Variants in SDK1 observed in about 807,000 individuals in gnomAD.
SDK1 encodes sidekick cell adhesion molecule 1.
A neutral mutation model predicts 245.5 loss-of-function variants in SDK1; 157 were observed. The observed-to-expected ratio is 0.64, with a 90% CI of 0.56 to 0.73. The LOEUF (loss-of-function observed/expected upper bound fraction) is 0.73, where lower values mean the gene tolerates loss of function less well. Among genes scored for constraint, SDK1 ranks in the 30% least tolerant of loss-of-function variants. SDK1 has a pLI of 0.00. For synonymous variants in SDK1, 1,647 were observed against 1,278.5 expected, an observed-to-expected ratio of 1.29 and a Z score of -6.15; for missense variants, 3,583 against 3,002.3, an observed-to-expected ratio of 1.19 and a Z score of -4.52.
At chr7:3,332,942 G>C (rs981460096) in intron 1 of SDK1, among the ~76,000 whole-genome samples, 2 of 152,168 alleles carry the variant, frequency 1.3e-5, no homozygotes, top group African/African-American at 4.8e-5. Context: ...TAGAATTGAA[G>C]GCTAAGTTGA....
At chr7:3,713,517 C>G (rs903560864) in intron 4 of SDK1, among the ~76,000 whole-genome samples, 12 of 152,188 alleles carry the variant, frequency 7.9e-5, no homozygotes, top group African/African-American at 2.9e-4. Flanking sequence ...CTCCCCCACC[C>G]GCAGCACTGG....
chr7:3,800,711 C>T (rs181695008), intron 4 of SDK1, among the ~76,000 whole-genome samples: 199 of 152,260 alleles, frequency 1.3e-3, no homozygotes, highest in South Asian at 2.3e-3. Context: ...GTTTTCTCTG[C>T]CATCACATAC....
intron 5 of SDK1, among the ~76,000 whole-genome samples, chr7:3,886,354 C>T (rs1274754948): frequency 2.0e-5 from 3 of 152,222 alleles, no homozygotes; most frequent in African/African-American, 7.2e-5. Context: ...GGCCAGCATG[C>T]GCTGTACGGC....
intron 35 of SDK1, among the ~76,000 whole-genome samples, chr7:4,180,603 C>G (rs1022602589): frequency 6.6e-6 from 1 of 152,260 alleles, no homozygotes; most frequent in African/African-American, 2.4e-5. Flanking sequence ...CCTTCTCACA[C>G]TGCTGTAAAG....
intron 1 of SDK1, among the ~76,000 whole-genome samples, chr7:3,441,440 A>G (rs539755121): frequency 6.6e-6 from 1 of 152,142 alleles, no homozygotes; most frequent in Non-Finnish European, 1.5e-5. Flanking sequence ...GTGTACATGA[A>G]TTGTTCCAGC....
chr7:3,872,580 CT>C (rs57740560), intron 5 of SDK1, among the ~76,000 whole-genome samples: 1,625 of 140,052 alleles, frequency 0.012, 27 homozygotes, highest in African/African-American at 0.034. Context: ...TTTTTGGTAT[CT>C]TTTTTTTTTT....
chr7:4,011,137 G>A (rs773466660), intron 15 of SDK1, 24 bp downstream of exon 15: 1 of 1,611,256 alleles, frequency 6.2e-7, no homozygotes, highest in Non-Finnish European at 8.5e-7. Flanking sequence ...GCCCCAGGTG[G>A]GGGTGTGGAA....
intron 5 of SDK1, among the ~76,000 whole-genome samples, chr7:3,883,847 G>C (rs1355025046): frequency 6.6e-6 from 1 of 151,876 alleles, no homozygotes; most frequent in African/African-American, 2.4e-5. Flanking sequence ...TAATTTTTCT[G>C]TCTCCAGCGT....
At chr7:3,588,069 C>G (rs890755345) in intron 1 of SDK1, among the ~76,000 whole-genome samples, 27 of 152,190 alleles carry the variant, frequency 1.8e-4, no homozygotes, top group African/African-American at 6.0e-4. Flanking sequence ...TTCAAGGAAT[C>G]CTAGGTCAAT....
intron 4 of SDK1, among the ~76,000 whole-genome samples, chr7:3,679,540 C>G (rs999770029): frequency 6.6e-6 from 1 of 151,712 alleles, no homozygotes; most frequent in Non-Finnish European, 1.5e-5. Context: ...GCACTCCAGC[C>G]TGGGCGACAG....
intron 5 of SDK1, among the ~76,000 whole-genome samples, chr7:3,848,234 A>G (rs779505278): frequency 6.6e-5 from 10 of 152,204 alleles, no homozygotes; most frequent in Non-Finnish European, 1.2e-4. Flanking sequence ...TCTTAACGAG[A>G]TGGATTCAGG....
intron 5 of SDK1, among the ~76,000 whole-genome samples, chr7:3,892,153 C>A (rs140649875): frequency 6.6e-6 from 1 of 152,272 alleles, no homozygotes; most frequent in East Asian, 1.9e-4. Flanking sequence ...AAACCAATGA[C>A]CCATATTTCA....
intron 4 of SDK1, among the ~76,000 whole-genome samples, chr7:3,808,651 A>C (rs1272486418): frequency 1.3e-5 from 2 of 152,070 alleles, no homozygotes; most frequent in African/African-American, 4.8e-5. Flanking sequence ...CTTGTTGATA[A>C]ATCAGTTTCC....
intron 28 of SDK1, among the ~76,000 whole-genome samples, chr7:4,144,301 T>A (rs960089676): frequency 6.6e-6 from 1 of 151,814 alleles, no homozygotes; most frequent in Non-Finnish European, 1.5e-5. Flanking sequence ...CGGTCCCCAT[T>A]GTGGGGAAGA....
chr7:4,041,413 G>A (rs1788628174), intron 17 of SDK1, among the ~76,000 whole-genome samples: 1 of 151,942 alleles, frequency 6.6e-6, no homozygotes, highest in Non-Finnish European at 1.5e-5. Context: ...CCCCACCAGA[G>A]TGGTACCTTT....
At chr7:3,449,341 C>G (rs953085901) in intron 1 of SDK1, among the ~76,000 whole-genome samples, 18 of 151,058 alleles carry the variant, frequency 1.2e-4, no homozygotes, top group Non-Finnish European at 2.4e-4. Context: ...AAATAATGTC[C>G]TCAGGCTTGG....
chr7:3,568,313 G>A lies in SDK1; in HGVS notation c.299-50767G>A, dbSNP rs117934752. Among the ~76,000 whole-genome samples the A allele has an allele frequency of 5.1e-3, 783 of 152,202 alleles. 5 individuals carry two copies. The highest frequency in any genetic ancestry group is 0.02 in the South Asian group (95 of 4,822). ...GTAACTGATATACTCTAATGTCCCA[G>A]CCTCCCTCCAGATGAAAATAATGTT... On this transcript the variant is annotated intron_variant, in intron 1 of 44. Transcript: ENST00000404826.
intron 17 of SDK1, among the ~76,000 whole-genome samples, chr7:4,046,564 A>G (rs113521238): frequency 0.011 from 1,720 of 152,280 alleles, 20 homozygotes; most frequent in Non-Finnish European, 0.017. Flanking sequence ...CGAAATTACT[A>G]TCTTTTCTTT....
chr7:3,741,823 C>G (rs1369308325), intron 4 of SDK1, among the ~76,000 whole-genome samples: 1 of 152,082 alleles, frequency 6.6e-6, no homozygotes, highest in Non-Finnish European at 1.5e-5. Context: ...TTCACACACA[C>G]ACACATAGAT....
Sources: allele counts gnomAD v4.1 joint callset (sites outside exome capture counted in the v4.1 genomes callset), GRCh38; gene constraint gnomAD v4.1.1; transcripts MANE v1.5; gene names NCBI Gene and HGNC (gene_info 2026-07-23, HGNC 2026-07-21).